Variants in TARS3 observed in about 807,000 individuals in gnomAD.
The protein encoded by TARS3 is threonine--tRNA ligase 2, cytoplasmic.
TARS3 carries 94 observed loss-of-function variants against 103.5 expected under a neutral mutation model. The ratio of observed to expected loss-of-function variants is 0.91; its 90% CI spans 0.77 to 1.08. The LOEUF (loss-of-function observed/expected upper bound fraction) is 1.08, where lower values mean the gene tolerates loss of function less well. TARS3 is among the 50% of genes least tolerant of loss of function. The pLI is 0.00. For synonymous variants in TARS3, 416 were observed against 355.4 expected (o/e 1.17, Z -1.92); for missense variants, 952 against 995.2 (o/e 0.96, Z 0.58).
In TARS3 at chr15:101,694,871, T is replaced by A. The variant is rs191207384; in HGVS notation, c.1320+6215A>T. On this transcript the variant is annotated intron_variant, in intron 10 of 18. Coordinates refer to ENST00000335968, the MANE Select transcript of TARS3 (RefSeq NM_152334.3). ...AATTTCATAGCGACAGAAACTAGAG[T>A]GGTGGTTACCAGAGGCTGGGGGAGG... 6.6e-5 allele frequency among the ~76,000 whole-genome samples: 10 copies of A among 151,954 alleles called. No homozygotes were observed. The East Asian group carries it at 1.9e-3, about 29-fold the overall frequency.
At chr15:101,669,153 T>C (rs1020454762) in intron 15 of TARS3, among the ~76,000 whole-genome samples, 2 of 152,190 alleles carry the variant, frequency 1.3e-5, no homozygotes, top group African/African-American at 4.8e-5. Context: ...ATCGATAACC[T>C]TGGCCTTGTG....
At chr15:101,671,963 G>C (rs2141391661) in intron 13 of TARS3, among the ~76,000 whole-genome samples, 1 of 152,194 alleles carries the variant, frequency 6.6e-6, no homozygotes, top group Admixed American at 6.5e-5. Flanking sequence ...ATTTCAACTG[G>C]GGAGAAAAGA....
chr15:101,705,069 A>G (rs1407401431), intron 7 of TARS3, among the ~76,000 whole-genome samples: 2 of 152,348 alleles, frequency 1.3e-5, no homozygotes, highest in East Asian at 3.9e-4. Flanking sequence ...ACACACGGAA[A>G]GGGGAACAGC....
intron 3 of TARS3, among the ~76,000 whole-genome samples, chr15:101,719,879 G>A (rs1419322802): frequency 6.6e-6 from 1 of 152,176 alleles, no homozygotes; most frequent in African/African-American, 2.4e-5. Flanking sequence ...AGAAGCCCCT[G>A]GAGAGCTCAT....
At chr15:101,677,521 G>A (rs1227395772) in intron 12 of TARS3, among the ~76,000 whole-genome samples, 4 of 145,254 alleles carry the variant, frequency 2.8e-5, no homozygotes, top group Admixed American at 6.9e-5. Flanking sequence ...TTTTTGAGAC[G>A]GAGTTTTGCT....
Position 101,706,319 on chromosome 15 carries a change from A to C in TARS3, c.931-572T>G, listed in dbSNP as rs116619025. Among the ~76,000 whole-genome samples, 291 of 152,340 alleles carry C rather than the reference A, an allele frequency of 1.9e-3. 1 individual carries two copies. Among genetic ancestry groups the C allele is most frequent in the African/African-American group, 6.3e-3 (261 of 41,588 alleles). The stretch of plus-strand genomic sequence containing the variant: ...GCCACTAATTTGAAAGAAGATGTGC[A>C]GTGAGTATAAAACACACTGGACTTT... On this transcript the variant is annotated intron_variant, in intron 6 of 18. Transcript: ENST00000335968.
chr15:101,672,034 C>T (rs911712475), intron 13 of TARS3, among the ~76,000 whole-genome samples: 4 of 152,004 alleles, frequency 2.6e-5, no homozygotes, highest in African/African-American at 9.7e-5. Context: ...GCTTTTGACC[C>T]TCCTCCCAAC....
At chr15:101,693,422 A>AC (rs986052210) in intron 10 of TARS3, among the ~76,000 whole-genome samples, 1 of 151,676 alleles carries the variant, frequency 6.6e-6, no homozygotes, top group African/African-American at 2.4e-5. Flanking sequence ...GGGGGAAACC[A>AC]CCCCCACGAT....
intron 15 of TARS3, among the ~76,000 whole-genome samples, chr15:101,670,806 CAGAA>C (rs1205631489): frequency 3.9e-5 from 6 of 152,190 alleles, no homozygotes; most frequent in Admixed American, 3.9e-4. Flanking sequence ...TAGTCAGTGA[CAGAA>C]AGGAACAAAC....
At chr15:101,672,560 CAG>C (rs1407498137) in intron 13 of TARS3, among the ~76,000 whole-genome samples, 5 of 151,964 alleles carry the variant, frequency 3.3e-5, no homozygotes, top group Admixed American at 6.6e-5. Flanking sequence ...AGAGCCGTGG[CAG>C]AGTCTTAGGG....
rs564945125 is a variant in TARS3 at position 101,655,112 on chromosome 15, C to A, written c.2261-382G>T. Among the ~76,000 whole-genome samples, 10 of 138,732 alleles carry A rather than the reference C, an allele frequency of 7.2e-5. No individual in the cohort carries two copies. In the East Asian group the frequency reaches 2.2e-3, roughly 31 times the overall value. The allele number at this position is 138,732 out of a possible 152,430, so 91.0% of individuals were successfully genotyped here. On this transcript the variant is annotated intron_variant, in intron 18 of 18. Coordinates refer to ENST00000335968, the MANE Select transcript of TARS3 (RefSeq NM_152334.3). ...GGAGCTCTTACAGGCTCACACTGACCCCACCTGGCACTAGGGTGCAAATGA... is the reference window on the plus strand; with the variant it reads ...GGAGCTCTTACAGGCTCACACTGACACCACCTGGCACTAGGGTGCAAATGA...
In TARS3 at chr15:101,711,907, A is replaced by G; in HGVS notation, c.785T>C (p.Phe262Ser). The G allele has an allele frequency of 6.2e-7, 1 of 1,613,924 alleles. No individual in the cohort carries two copies. Among genetic ancestry groups the G allele is most frequent in the South Asian group, 1.1e-5 (1 of 91,078 alleles). ...GTCTTCAATGAACATGTCATAATAA[A>G]ATCCATTTTCAATGGGCGGACCGTA... ...LCYGPPIENG[F>S]YYDMFIEDRA... Residue 262 changes from phenylalanine (F) to serine (S), a missense_variant, in exon 5 of 19, where the codon TTT becomes TCT. Phe to Ser is a radical substitution (Grantham distance 155). Around this residue, in one of 2 missense-constraint regions of TARS3, gnomAD observed 412 missense variants for 364.2 expected, o/e 1.13. Coordinates refer to ENST00000335968, the MANE Select transcript of TARS3 (RefSeq NM_152334.3).
chr15:101,681,627 G>T (rs1273239144), intron 12 of TARS3, among the ~76,000 whole-genome samples: 1 of 152,192 alleles, frequency 6.6e-6, no homozygotes, highest in Non-Finnish European at 1.5e-5. Flanking sequence ...TCCCTGGTGA[G>T]GGCTTTCTTC....
chr15:101,664,758 A>G (rs1328491321), intron 15 of TARS3, among the ~76,000 whole-genome samples: 2 of 152,228 alleles, frequency 1.3e-5, no homozygotes, highest in Admixed American at 6.5e-5. Context: ...AAAATTTTCA[A>G]TTTGTGAGAA....
intron 3 of TARS3, among the ~76,000 whole-genome samples, chr15:101,720,029 T>C (rs993948644): frequency 2.6e-5 from 4 of 152,238 alleles, no homozygotes; most frequent in Non-Finnish European, 4.4e-5. Context: ...ACATTTAACA[T>C]GCAACCTGAC....
At chr15:101,716,412 T>C (rs959179053) in intron 3 of TARS3, among the ~76,000 whole-genome samples, 3 of 151,990 alleles carry the variant, frequency 2.0e-5, no homozygotes, top group Non-Finnish European at 4.4e-5. Flanking sequence ...TGATGTTTTG[T>C]TTATATCTTT....
At position 101,723,180 on chromosome 15, in the gene TARS3, T is replaced by C. The variant is rs1359207232; in HGVS notation, c.298-16A>G. ...TAGGAGGAGGCTGAAAGATAAATTA[T>C]AAATGACTCACATCAATGGCAAGAA... On this transcript the variant is annotated splice_polypyrimidine_tract_variant and intron_variant, in intron 1 of 18. Coordinates refer to ENST00000335968, the MANE Select transcript of TARS3 (RefSeq NM_152334.3). 4 of 1,608,808 alleles carry C rather than the reference T, an allele frequency of 2.5e-6. No individual in the cohort carries two copies. The highest frequency in any genetic ancestry group is 2.7e-5 in the African/African-American group (2 of 74,782).
chr15:101,717,533 G>T (rs1361297205), intron 3 of TARS3, among the ~76,000 whole-genome samples: 3 of 152,212 alleles, frequency 2.0e-5, no homozygotes, highest in Non-Finnish European at 4.4e-5. Context: ...CATGTGGCCA[G>T]GTTTGGAGCC....
intron 3 of TARS3, among the ~76,000 whole-genome samples, chr15:101,717,373 C>G (rs1268172393): frequency 3.9e-5 from 6 of 152,196 alleles, no homozygotes; most frequent in African/African-American, 1.2e-4. Flanking sequence ...CATATGATAA[C>G]AAGAACTTAA....
Sources: gnomAD v4.1 joint callset for allele counts (sites outside exome capture counted in the v4.1 genomes callset) on GRCh38, gnomAD v4.1.1 for gene constraint, gnomAD v4.1.1 regional missense constraint, MANE v1.5 for transcripts, NCBI Gene and HGNC (gene_info 2026-07-23, HGNC 2026-07-21) for gene names.